The following ADCY8 variants were observed in gnomAD, a reference collection of about 807,000 sequenced individuals.
The protein encoded by ADCY8 is adenylate cyclase 8, also known as adenylate cyclase type 8.
Under a neutral mutation model 119.7 loss-of-function variants are expected in ADCY8, and 51 were observed. The observed-to-expected ratio is 0.43, with a 90% CI of 0.34 to 0.54. ADCY8 has a LOEUF of 0.54. Among genes scored for constraint, ADCY8 ranks in the 20% least tolerant of loss-of-function variants. ADCY8 has a pLI of 0.03. For missense variants in ADCY8, 1,383 were observed against 1,598.8 expected (o/e 0.87, Z 2.30); for synonymous variants, 665 against 651.0 (o/e 1.02, Z -0.33).
At chr8:130,985,154 G>T (rs1822362327) in intron 2 of ADCY8, among the ~76,000 whole-genome samples, 1 of 152,118 alleles carries the variant, frequency 6.6e-6, no homozygotes, top group African/African-American at 2.4e-5. Flanking sequence ...GGGTTGGGGG[G>T]TGACTCAGCA....
intron 9 of ADCY8, among the ~76,000 whole-genome samples, chr8:130,860,541 A>G (rs549954678): frequency 6.6e-6 from 1 of 152,318 alleles, no homozygotes; most frequent in African/African-American, 2.4e-5. Context: ...ATTTGGGTAT[A>G]TAAACCATTT....
At chr8:131,005,411 C>T (rs532293190) in intron 1 of ADCY8, among the ~76,000 whole-genome samples, 5 of 152,202 alleles carry the variant, frequency 3.3e-5, no homozygotes, top group Non-Finnish European at 4.4e-5. Flanking sequence ...CTTTCCCTCT[C>T]CTCTCTGGTT....
intron 1 of ADCY8, among the ~76,000 whole-genome samples, chr8:131,010,499 A>G (rs576063778): frequency 1.1e-3 from 170 of 152,290 alleles, no homozygotes; most frequent in African/African-American, 3.9e-3. Context: ...TTTTAATTAA[A>G]TATTTGGGGA....
chr8:130,847,608 G>C, intron 10 of ADCY8, 95 bp from the exon 11 acceptor site: 1 of 1,050,662 alleles, frequency 9.5e-7, no homozygotes, highest in Non-Finnish European at 1.4e-6. Context: ...TGTGCTATCA[G>C]TGGCTGGGCT....
Position 131,040,574 on chromosome 8 carries a change from G to A in ADCY8, c.-241C>T, listed in dbSNP as rs139541961. The A allele has an allele frequency of 0.011, 4,539 of 402,340 alleles. 61 individuals carry two copies. Among genetic ancestry groups the A allele is most frequent in the African/African-American group, 0.042 (2,036 of 48,560 alleles). The allele number at this position is 402,340 out of a possible 1,614,324, so 24.9% of individuals were successfully genotyped here. ...GTCCTTGCGTGCTGCTCTCCCGCCAGCCGGCGCAGCTTGGGTACGCAGCGG... is the reference window on the plus strand; with the variant it reads ...GTCCTTGCGTGCTGCTCTCCCGCCAACCGGCGCAGCTTGGGTACGCAGCGG... On this transcript the variant is annotated 5_prime_UTR_variant, in exon 1 of 18. Transcript: ENST00000286355.
At chr8:131,017,100 C>G (rs1450518822) in intron 1 of ADCY8, among the ~76,000 whole-genome samples, 1 of 149,880 alleles carries the variant, frequency 6.7e-6, no homozygotes, top group Non-Finnish European at 1.5e-5. Flanking sequence ...GATGGAGTCT[C>G]ACTTTGTCAC....
chr8:131,031,749 G>A (rs1334259551), intron 1 of ADCY8, among the ~76,000 whole-genome samples: 1 of 151,920 alleles, frequency 6.6e-6, no homozygotes, highest in Non-Finnish European at 1.5e-5. Context: ...GGAATTCCTG[G>A]TCTCCAAAAC....
intron 9 of ADCY8, among the ~76,000 whole-genome samples, chr8:130,865,655 A>G (rs967469861): frequency 6.6e-6 from 1 of 152,144 alleles, no homozygotes; most frequent in Non-Finnish European, 1.5e-5. Context: ...AGAGTTCTAG[A>G]AAGAGCATGG....
At chr8:130,846,906 T>C (rs1371681823) in intron 11 of ADCY8, among the ~76,000 whole-genome samples, 20 of 97,024 alleles carry the variant, frequency 2.1e-4, no homozygotes, top group African/African-American at 8.1e-4. Context: ...CTTCCTTCCT[T>C]CCTTCCTTCC....
chr8:131,000,961 A>G (rs1822927092), intron 1 of ADCY8, among the ~76,000 whole-genome samples: 2 of 152,118 alleles, frequency 1.3e-5, no homozygotes, highest in Non-Finnish European at 2.9e-5. Flanking sequence ...GGGTCTTCAA[A>G]TGCATCGTAA....
In ADCY8 at chr8:130,966,357, G is replaced by A. The variant is rs145855910; in HGVS notation, c.1111-14359C>T. Among the ~76,000 whole-genome samples, 257 of 152,238 alleles carry A rather than the reference G, an allele frequency of 1.7e-3. 1 individual carries two copies. Among genetic ancestry groups the A allele is most frequent in the Non-Finnish European group, 3.2e-3 (215 of 68,014 alleles). ...GGTCAAACAATGACTCCTGCCTAAC[G>A]TACATGATTGAGGTGCAGGGCCATG... On this transcript the variant is annotated intron_variant, in intron 2 of 17. Transcript: ENST00000286355.
At chr8:130,865,372 T>G (rs937198927) in intron 9 of ADCY8, among the ~76,000 whole-genome samples, 8 of 152,074 alleles carry the variant, frequency 5.3e-5, no homozygotes, top group Non-Finnish European at 8.8e-5. Flanking sequence ...TCTTGAGCTG[T>G]CTTTCCAAAT....
intron 12 of ADCY8, among the ~76,000 whole-genome samples, chr8:130,823,203 T>C (rs1213492723): frequency 1.3e-5 from 2 of 151,962 alleles, no homozygotes; most frequent in African/African-American, 4.8e-5. Context: ...TGACCAAAAA[T>C]AGAAAGATGA....
chr8:130,847,332 T>G, intron 11 of ADCY8, 92 bp downstream of exon 11: 1 of 906,388 alleles, frequency 1.1e-6, no homozygotes, highest in Non-Finnish European at 1.7e-6. Flanking sequence ...CTTGAGTATT[T>G]TCTATGGCCC....
chr8:130,835,570 G>A (rs939162664), intron 12 of ADCY8, among the ~76,000 whole-genome samples: 2 of 152,092 alleles, frequency 1.3e-5, no homozygotes, highest in African/African-American at 4.8e-5. Flanking sequence ...TTTCTCTAAG[G>A]AGTCTGGGTA....
At chr8:130,781,322 C>T (rs1440776945) in intron 17 of ADCY8, among the ~76,000 whole-genome samples, 1 of 152,148 alleles carries the variant, frequency 6.6e-6, no homozygotes, top group African/African-American at 2.4e-5. Context: ...TGTTTTAGCC[C>T]AGGTCCTCAG....
chr8:130,814,424 C>T (rs1816273824), intron 13 of ADCY8, among the ~76,000 whole-genome samples, 197 bp from the exon 14 acceptor site: 5 of 152,114 alleles, frequency 3.3e-5, no homozygotes, highest in Admixed American at 3.3e-4. Context: ...GGGATGTGCG[C>T]CTGCCTTTCA....
intron 2 of ADCY8, among the ~76,000 whole-genome samples, chr8:130,976,837 T>A (rs1822086473): frequency 6.6e-6 from 1 of 152,210 alleles, no homozygotes; most frequent in Non-Finnish European, 1.5e-5. Context: ...TAAAAATAAT[T>A]TACATTTGTA....
chr8:130,927,856 A>G (rs986843668), intron 5 of ADCY8, among the ~76,000 whole-genome samples: 1 of 152,174 alleles, frequency 6.6e-6, no homozygotes, highest in Non-Finnish European at 1.5e-5. Flanking sequence ...AGAAGTGGCA[A>G]GAGTGGACAT....
Sources: allele counts gnomAD v4.1 joint callset (sites outside exome capture counted in the v4.1 genomes callset), GRCh38; gene constraint gnomAD v4.1.1; transcripts MANE v1.5; gene names NCBI Gene and HGNC (gene_info 2026-07-23, HGNC 2026-07-21).